The following SMAD2 variants were observed in gnomAD, a reference collection of about 807,000 sequenced individuals.
SMAD2 encodes the protein SMAD family member 2.
Under a neutral mutation model 64.4 loss-of-function variants are expected in SMAD2, and 8 were observed. The observed-to-expected ratio is 0.12, with a 90% confidence interval of 0.07 to 0.22. The LOEUF (loss-of-function observed/expected upper bound fraction) is 0.22. Ranked by LOEUF, SMAD2 falls within the 10% of genes least tolerant of loss-of-function variation. SMAD2 has a pLI of 1.00. For synonymous variants in SMAD2, 203 were observed against 195.8 expected (o/e 1.04, Z -0.31); for missense variants, 289 against 561.2 (o/e 0.51, Z 4.90).
chr18:47,829,747 C>A lies in SMAD2; in HGVS notation c.*12080G>T, dbSNP rs1166968542. ...ATAGAAATTGTTAGAGACTTTGAAT[C>A]CTAAAATTTAGTTTACCAAATGTAG... On this transcript the variant is annotated 3_prime_UTR_variant, in exon 11 of 11. Coordinates refer to ENST00000262160, the MANE Select transcript of SMAD2 (RefSeq NM_005901.6). The A allele has an allele frequency of 1.3e-5, 2 of 152,096 alleles. No homozygotes were observed. The highest frequency in any genetic ancestry group is 4.8e-5 in the African/African-American group (2 of 41,398). The allele number at this position is 152,096 out of a possible 1,614,324, so 9.4% of individuals were successfully genotyped here.
intron 2 of SMAD2, among the ~76,000 whole-genome samples, chr18:47,884,371 G>A (rs1792668): frequency 0.44 from 66,595 of 151,884 alleles, 15,565 homozygotes; most frequent in East Asian, 0.59. Flanking sequence ...TGAGGTAATG[G>A]AAACACAAAG....
intron 5 of SMAD2, among the ~76,000 whole-genome samples, chr18:47,867,543 G>C (rs147824515): frequency 6.6e-6 from 1 of 151,220 alleles, no homozygotes; most frequent in Non-Finnish European, 1.5e-5. Flanking sequence ...GAAAGAAATC[G>C]AGACACTACA....
intron 2 of SMAD2, among the ~76,000 whole-genome samples, chr18:47,893,735 G>A (rs1017569612): frequency 6.6e-6 from 1 of 152,020 alleles, no homozygotes; most frequent in South Asian, 2.1e-4. Flanking sequence ...CAATTTAATT[G>A]TTCTACTACT....
intron 1 of SMAD2, among the ~76,000 whole-genome samples, chr18:47,924,143 G>T (rs1375800079): frequency 6.6e-6 from 1 of 151,388 alleles, no homozygotes; most frequent in African/African-American, 2.4e-5. Flanking sequence ...AGCTACTCAG[G>T]AGGCTGAGGC....
Position 47,820,518 on chromosome 18 carries a change from A to G in SMAD2, c.*21309T>C, listed in dbSNP as rs1485480517. The G allele has an allele frequency of 6.6e-6, 1 of 152,212 alleles. No homozygotes were observed. Among genetic ancestry groups the G allele is most frequent in the Non-Finnish European group, 1.5e-5 (1 of 68,038 alleles). The allele number at this position is 152,212 out of a possible 1,614,324, so 9.4% of individuals were successfully genotyped here. ...CACTAAGTAGGAGGAGGAGAGAAAT[A>G]TGAAGGAAGTTAATGGGTGTGAGAA... is the stretch of plus-strand genomic sequence containing the variant. On this transcript the variant is annotated 3_prime_UTR_variant, in exon 11 of 11. Transcript: ENST00000262160.
In SMAD2 at chr18:47,853,455, C is replaced by T. The variant is rs1485274856; in HGVS notation, c.731-2128G>A. On this transcript the variant is annotated intron_variant, in intron 6 of 10. Transcript: ENST00000262160. Reference sequence around the variant, plus strand: ...GGTCGCCTCGCTTGAATCCAGGAGGCGGAGGTTGCAGTGAGCTGAGGGCAT... The same window carrying T: ...GGTCGCCTCGCTTGAATCCAGGAGGTGGAGGTTGCAGTGAGCTGAGGGCAT... 5 of 205,666 alleles carry T rather than the reference C, an allele frequency of 2.4e-5. 1 individual carries two copies. Among genetic ancestry groups the T allele is most frequent in the Admixed American group, 6.4e-5 (1 of 15,586 alleles). The allele number at this position is 205,666 out of a possible 1,614,324, so 12.7% of individuals were successfully genotyped here.
In SMAD2 at chr18:47,814,248, T is replaced by C. The variant is rs950340328; in HGVS notation, c.*27579A>G. ...GACAGTCACAGGAAAGGAGAGGGTGTGTACTAGAGTAACAGCACAGTTGCT... is the reference window on the plus strand; with the variant it reads ...GACAGTCACAGGAAAGGAGAGGGTGCGTACTAGAGTAACAGCACAGTTGCT... On this transcript the variant is annotated 3_prime_UTR_variant, in exon 11 of 11. Coordinates refer to ENST00000262160, the MANE Select transcript of SMAD2 (RefSeq NM_005901.6). 2 of 152,146 alleles carry C rather than the reference T, an allele frequency of 1.3e-5. No homozygotes were observed. The highest frequency in any genetic ancestry group is 1.9e-4 in the East Asian group (1 of 5,180). 9.4% of individuals were successfully genotyped at this position (152,146 alleles called of 1,614,324 possible).
In SMAD2 at chr18:47,865,250, T is replaced by C. The variant is rs185297418; in HGVS notation, c.656-117A>G. The C allele has an allele frequency of 6.7e-4, 437 of 649,738 alleles. 1 individual carries two copies. The highest frequency in any genetic ancestry group is 9.3e-4 in the Non-Finnish European group (339 of 364,030). The allele number at this position is 649,738 out of a possible 1,614,324, so 40.2% of individuals were successfully genotyped here. ...AATAACAAATAATAATGTTATATAA[T>C]ATTATAAAAAGTAATATTGCATACT... On this transcript the variant is annotated intron_variant, in intron 5 of 10. Coordinates refer to ENST00000262160, the MANE Select transcript of SMAD2 (RefSeq NM_005901.6).
intron 2 of SMAD2, among the ~76,000 whole-genome samples, chr18:47,872,806 G>C (rs1013120967): frequency 7.9e-5 from 12 of 152,184 alleles, no homozygotes; most frequent in Admixed American, 7.9e-4. Context: ...ACCACGGTCA[G>C]TGGAAAACTT....
Position 47,815,763 on chromosome 18 carries a change from AAGT to A in SMAD2, c.*26061_*26063del, listed in dbSNP as rs1041530983. 6.6e-6 allele frequency: 1 copy of A among 152,200 alleles called. No homozygotes were observed. Among genetic ancestry groups the A allele is most frequent in the African/African-American group, 2.4e-5 (1 of 41,444 alleles). 9.4% of individuals were successfully genotyped at this position (152,200 alleles called of 1,614,324 possible). On this transcript the variant is annotated 3_prime_UTR_variant, in exon 11 of 11. Transcript: ENST00000262160. The stretch of plus-strand genomic sequence containing the variant: ...CTTGGCTGTGAATAGCAGGGATAGA[AAGT>A]AGTTATGGGGCTTGCAAGGACATTG...
At chr18:47,882,041 CTT>C (rs71162900) in intron 2 of SMAD2, among the ~76,000 whole-genome samples, 85 of 38,862 alleles carry the variant, frequency 2.2e-3, no homozygotes, top group African/African-American at 6.6e-3. Context: ...CCACGCTTGG[CTT>C]TTTTTTTTTT....
At chr18:47,903,959 G>A (rs2033801700) in intron 1 of SMAD2, among the ~76,000 whole-genome samples, 1 of 150,436 alleles carries the variant, frequency 6.6e-6, no homozygotes, top group Admixed American at 6.6e-5. Context: ...AAAGACAATG[G>A]GGAACAAAAA....
Position 47,861,305 on chromosome 18 carries a change from C to G in SMAD2, c.730+3754G>C, listed in dbSNP as rs187057120. ...TGCCATTGCACTCTAGCCTGGGCAA[C>G]AAGAGTGAAACTCCTTCTCAAAAAA... On this transcript the variant is annotated intron_variant, in intron 6 of 10. Coordinates refer to ENST00000262160, the MANE Select transcript of SMAD2 (RefSeq NM_005901.6). Among the ~76,000 whole-genome samples, 13 of 152,130 alleles carry G rather than the reference C, an allele frequency of 8.5e-5. No individual in the cohort carries two copies. In the East Asian group the frequency reaches 2.3e-3, roughly 27 times the overall value.
At chr18:47,852,287 C>G (rs2030185802) in intron 6 of SMAD2, among the ~76,000 whole-genome samples, 2 of 152,214 alleles carry the variant, frequency 1.3e-5, no homozygotes, top group East Asian at 3.9e-4. Context: ...AATAAAAGCC[C>G]TTCTACAAGA....
rs376040616 is a variant in SMAD2 at position 47,831,038 on chromosome 18, T to G, written c.*10789A>C. On this transcript the variant is annotated 3_prime_UTR_variant, in exon 11 of 11. Coordinates refer to ENST00000262160, the MANE Select transcript of SMAD2 (RefSeq NM_005901.6). The stretch of plus-strand genomic sequence containing the variant: ...AGGTAGCCCGTTCTTGGCTGGGTTA[T>G]GGCTTGTAATCTCAGAACCACTGCC... The G allele has an allele frequency of 6.6e-6, 1 of 152,388 alleles. No individual in the cohort carries two copies. The highest frequency in any genetic ancestry group is 1.9e-4 in the East Asian group (1 of 5,208). The allele number at this position is 152,388 out of a possible 1,614,324, so 9.4% of individuals were successfully genotyped here.
chr18:47,894,375 T>C lies in SMAD2; in HGVS notation c.236+2146A>G, dbSNP rs147715466. ...TCTGAGCCTTCAGACCCTACGGCAC[T>C]TAAACGGCCCCAACCTCACCCGTCA... On this transcript the variant is annotated intron_variant, in intron 2 of 10. Transcript: ENST00000262160. 3.2e-3 allele frequency among the ~76,000 whole-genome samples: 485 copies of C among 152,320 alleles called. 2 individuals carry two copies. The highest frequency in any genetic ancestry group is 0.011 in the African/African-American group (469 of 41,586).
At chr18:47,845,874 G>C in intron 8 of SMAD2, 74 bp from the exon 9 acceptor site, 1 of 1,363,314 alleles carries the variant, frequency 7.3e-7, no homozygotes, top group South Asian at 1.2e-5. Flanking sequence ...CATTTTCTTG[G>C]AAAAATTCTA....
Position 47,850,455 on chromosome 18 carries a change from ATATTATACATAATATATATTATATAT to A in SMAD2, c.784+793_784+818del, listed in dbSNP as rs1915210468. Among the ~76,000 whole-genome samples the A allele has an allele frequency of 4.3e-4, 10 of 23,476 alleles. 2 individuals are homozygous for A. The highest frequency in any genetic ancestry group is 6.0e-4 in the Non-Finnish European group (9 of 14,932). 15.4% of individuals were successfully genotyped at this position (23,476 alleles called of 152,430 possible). A position where few individuals can be genotyped will look rare whatever the true frequency, so the allele number is the denominator to read the frequency against. ...ATATATTATGTATAATATATATTATATATTATACATAATATATATTATATATTATATATTATGTATAATATATGTTA... is the reference window on the plus strand; with the variant it reads ...ATATATTATGTATAATATATATTATATATATATTATGTATAATATATGTTA... On this transcript the variant is annotated intron_variant, in intron 7 of 10. Transcript: ENST00000262160.
intron 1 of SMAD2, among the ~76,000 whole-genome samples, chr18:47,907,695 T>C (rs984664054): frequency 6.6e-6 from 1 of 152,216 alleles, no homozygotes; most frequent in African/African-American, 2.4e-5. Flanking sequence ...CTCACACCTA[T>C]AATCCCAGCA....
Sources: allele counts gnomAD v4.1 joint callset (sites outside exome capture counted in the v4.1 genomes callset), GRCh38; gene constraint gnomAD v4.1.1; transcripts MANE v1.5; gene names NCBI Gene and HGNC (gene_info 2026-07-23, HGNC 2026-07-21).